Variants in PTGIS observed in about 807,000 individuals in gnomAD.
The protein encoded by PTGIS is prostaglandin I2 synthase.
Under a neutral mutation model 50.3 loss-of-function variants are expected in PTGIS, and 45 were observed. That is an observed-to-expected ratio of 0.90 (90% CI 0.70 to 1.15). The LOEUF (loss-of-function observed/expected upper bound fraction) is 1.15, where lower values mean the gene tolerates loss of function less well. PTGIS is among the 50% of genes most tolerant of loss of function. The probability of loss-of-function intolerance (pLI) is 0.00; values close to 1 mark genes in which losing one functional copy is unlikely to be tolerated. For missense variants in PTGIS, 668 were observed against 661.3 expected (o/e 1.01, Z -0.11); for synonymous variants, 260 against 267.7 (o/e 0.97, Z 0.28).
chr20:49,513,141 C>A lies in PTGIS; in HGVS notation c.1145G>T (p.Arg382Leu), dbSNP rs371186629. The A allele has an allele frequency of 6.2e-7, 1 of 1,614,110 alleles. No homozygotes were observed. Among genetic ancestry groups the A allele is most frequent in the Non-Finnish European group, 8.5e-7 (1 of 1,180,018 alleles). ...GREFNLRRGD[R>L]LLLFPFLSPQ... ...GCTCAGGAAGGGGAAGAGGAGGAGG[C>A]GGTCACCACGTCGCAGGTTGAATTC... Residue 382 changes from arginine to leucine, a missense_variant, in exon 8 of 10, where the codon CGC (arginine) becomes CTC (leucine). Arg to Leu is a moderately radical substitution (Grantham distance 102). Coordinates refer to ENST00000244043, the MANE Select transcript of PTGIS (RefSeq NM_000961.4).
chr20:49,558,774 C>T lies in PTGIS; in HGVS notation c.75-8585G>A, dbSNP rs951250798. ...TATTGCCCAGGCTGGAGTGCAATGG[C>T]GCGATCTCAGCTCACTGCAACCTCC... On this transcript the variant is annotated intron_variant, in intron 1 of 9. Coordinates refer to ENST00000244043, the MANE Select transcript of PTGIS (RefSeq NM_000961.4). Among the ~76,000 whole-genome samples the T allele has an allele frequency of 6.7e-5, 10 of 150,252 alleles. 1 individual carries two copies. The highest frequency in any genetic ancestry group is 1.5e-5 in the Non-Finnish European group (1 of 67,718).
rs191601232 is a variant in PTGIS, at chr20:49,535,696, G to C, written c.673+3874C>G. Among the ~76,000 whole-genome samples, 6 of 152,072 alleles carry C rather than the reference G, an allele frequency of 3.9e-5. No individual in the cohort carries two copies. In the East Asian group the frequency reaches 1.2e-3, roughly 29 times the overall value. ...TGCCCGGCTAATTTTTTGTATTTTT[G>C]GTAGAGATGGGGTTTCGCCATGTTG... is the stretch of plus-strand genomic sequence containing the variant. On this transcript the variant is annotated intron_variant, in intron 5 of 9. Transcript: ENST00000244043.
At position 49,513,585 on chromosome 20, in the gene PTGIS, T is replaced by C. The variant is rs114611978; in HGVS notation, c.1025-324A>G. ...CCTGTCTGCCCGGCATATATTTCTCTTCTGGAAACGGGCCCCTGATTTTCC... is the reference window on the plus strand; with the variant it reads ...CCTGTCTGCCCGGCATATATTTCTCCTCTGGAAACGGGCCCCTGATTTTCC... On this transcript the variant is annotated intron_variant, in intron 7 of 9. Transcript: ENST00000244043. Among the ~76,000 whole-genome samples the C allele has an allele frequency of 1.2e-3, 187 of 152,218 alleles. 1 individual carries two copies. Among genetic ancestry groups the C allele is most frequent in the African/African-American group, 4.2e-3 (174 of 41,546 alleles).
At chr20:49,515,665 AT>A (rs1387357434) in intron 6 of PTGIS, among the ~76,000 whole-genome samples, 2 of 152,216 alleles carry the variant, frequency 1.3e-5, no homozygotes, top group African/African-American at 4.8e-5. Flanking sequence ...AAACAATCTC[AT>A]GTCTATCAAT....
At chr20:49,549,798 G>A (rs1320693310) in intron 2 of PTGIS, among the ~76,000 whole-genome samples, 2 of 152,164 alleles carry the variant, frequency 1.3e-5, no homozygotes, top group Non-Finnish European at 1.5e-5. Flanking sequence ...CAGCTGCATG[G>A]ATATACAAGT....
At chr20:49,554,158 T>C (rs559889534) in intron 1 of PTGIS, among the ~76,000 whole-genome samples, 4 of 152,272 alleles carry the variant, frequency 2.6e-5, no homozygotes, top group African/African-American at 9.6e-5. Context: ...CAGCTTTCTC[T>C]CCTCTTTGAG....
chr20:49,536,769 C>T (rs1982087415), intron 5 of PTGIS, among the ~76,000 whole-genome samples: 1 of 152,154 alleles, frequency 6.6e-6, no homozygotes, highest in Non-Finnish European at 1.5e-5. Flanking sequence ...AGGCATGAGC[C>T]TCCGCGCCCG....
intron 3 of PTGIS, among the ~76,000 whole-genome samples, chr20:49,547,077 C>G (rs1475150112): frequency 6.6e-6 from 1 of 152,112 alleles, no homozygotes; most frequent in Non-Finnish European, 1.5e-5. Context: ...ACTAAAAATA[C>G]AAAAATTAGC....
intron 9 of PTGIS, among the ~76,000 whole-genome samples, chr20:49,510,792 G>C (rs955255190): frequency 6.6e-6 from 1 of 152,226 alleles, no homozygotes; most frequent in African/African-American, 2.4e-5. Context: ...GGAAGAACCT[G>C]CTGCCAGATC....
intron 5 of PTGIS, among the ~76,000 whole-genome samples, chr20:49,536,002 G>A (rs1486289663): frequency 6.6e-6 from 1 of 152,118 alleles, no homozygotes. Context: ...TTGTTTAATT[G>A]CATCAGCTAA....
Position 49,568,132 on chromosome 20 carries a change from G to C in PTGIS, c.-16C>G. ...CCCAAGCCATCGCGGGGCTGGCGGG[G>C]CTGGCGGGGCTGGCGGGGCTGGCGG... On this transcript the variant is annotated 5_prime_UTR_variant, in exon 1 of 10. Coordinates refer to ENST00000244043, the MANE Select transcript of PTGIS (RefSeq NM_000961.4). 8.5e-7 allele frequency: 1 copy of C among 1,182,506 alleles called. No individual in the cohort carries two copies. Among genetic ancestry groups the C allele is most frequent in the Admixed American group, 4.2e-5 (1 of 23,870 alleles). 73.3% of individuals were successfully genotyped at this position (1,182,506 alleles called of 1,614,324 possible). A position where few individuals can be genotyped will look rare whatever the true frequency, so the allele number is the denominator to read the frequency against.
rs76742718 is a variant in PTGIS at position 49,563,008 on chromosome 20, G to T, written c.74+5035C>A. ...CCTGCCTCCCAGAGTTGCTGAGAGG[G>T]TTAAGAAAGCCAATGCAGGTTAAGC... On this transcript the variant is annotated intron_variant, in intron 1 of 9. Transcript: ENST00000244043. 7.9e-3 allele frequency among the ~76,000 whole-genome samples: 1,196 copies of T among 152,302 alleles called. 18 individuals carry two copies. The highest frequency in any genetic ancestry group is 0.027 in the African/African-American group (1,140 of 41,574).
At chr20:49,560,961 AAGAC>A (rs943208561) in intron 1 of PTGIS, among the ~76,000 whole-genome samples, 8 of 152,154 alleles carry the variant, frequency 5.3e-5, no homozygotes, top group African/African-American at 1.7e-4. Context: ...ATACCAGAGA[AAGAC>A]AAGAGGAAGG....
intron 5 of PTGIS, among the ~76,000 whole-genome samples, chr20:49,539,234 T>A (rs1384870305): frequency 2.0e-5 from 3 of 152,174 alleles, no homozygotes; most frequent in Non-Finnish European, 2.9e-5. Flanking sequence ...TCTATATGGC[T>A]TGAATTTTTT....
rs1375067364 is a variant in PTGIS, at chr20:49,568,084, G to A, written c.33C>T (p.Ala11=). The change falls in exon 1 of 10, where the codon GCC becomes GCT. Residue 11 remains alanine (A), a synonymous_variant. Transcript: ENST00000244043. ...TCAGTAGCAGCAGCAGCAACAGTGCGGCCAGGAGGCCGAGGAGCGCGGCCC... is the reference window on the plus strand; with the variant it reads ...TCAGTAGCAGCAGCAGCAACAGTGCAGCCAGGAGGCCGAGGAGCGCGGCCC... The part of the protein sequence containing the change: MAWAALLGLL[A]ALLLLLLLSR... 1 of 1,463,196 alleles carries A rather than the reference G, an allele frequency of 6.8e-7. No individual in the cohort carries two copies. Among genetic ancestry groups the A allele is most frequent in the Non-Finnish European group, 9.0e-7 (1 of 1,113,562 alleles). 90.6% of individuals were successfully genotyped at this position (1,463,196 alleles called of 1,614,324 possible).
At chr20:49,514,764 G>C (rs6012680) in intron 6 of PTGIS, among the ~76,000 whole-genome samples, 42,269 of 152,066 alleles carry the variant, frequency 0.28, 6,073 homozygotes, top group Middle Eastern at 0.34. Context: ...TTCCCCAATC[G>C]CAGAATCCAC....
chr20:49,517,619 A>G (rs1981521609), intron 6 of PTGIS, among the ~76,000 whole-genome samples: 1 of 152,094 alleles, frequency 6.6e-6, no homozygotes, highest in African/African-American at 2.4e-5. Context: ...CATGACCCAA[A>G]AGCAGTGCCA....
chr20:49,535,241 C>T (rs1251129552), intron 5 of PTGIS, among the ~76,000 whole-genome samples: 1 of 152,142 alleles, frequency 6.6e-6, no homozygotes, highest in African/African-American at 2.4e-5. Flanking sequence ...CAGATTTCTT[C>T]CCTTTAGGTA....
At chr20:49,532,516 G>T (rs11905937) in intron 5 of PTGIS, among the ~76,000 whole-genome samples, 1,888 of 152,192 alleles carry the variant, frequency 0.012, 33 homozygotes, top group African/African-American at 0.042. Flanking sequence ...GATAATAAAA[G>T]TACCCACCAC....
Sources: allele counts gnomAD v4.1 joint callset (sites outside exome capture counted in the v4.1 genomes callset), GRCh38; gene constraint gnomAD v4.1.1; transcripts MANE v1.5; gene names NCBI Gene and HGNC (gene_info 2026-07-23, HGNC 2026-07-21).